Variants in ZMAT4 observed in about 807,000 individuals in gnomAD.
The protein encoded by ZMAT4 is zinc finger matrin-type protein 4.
In ZMAT4, 17 loss-of-function variants were observed where a neutral mutation model predicts 28.7. The ratio of observed to expected loss-of-function variants is 0.59; its 90% CI spans 0.41 to 0.89. ZMAT4 has a LOEUF of 0.89. Ranked by LOEUF, ZMAT4 falls within the 40% of genes least tolerant of loss-of-function variation. ZMAT4 has a pLI of 0.00. For missense variants in ZMAT4, 240 were observed against 283.8 expected (o/e 0.85, Z 1.11); for synonymous variants, 117 against 109.2 (o/e 1.07, Z -0.44).
chr8:40,589,971 C>CCCTCCCTTCCCT lies in ZMAT4; in HGVS notation c.578-8711_578-8710insAGGGAAGGGAGG, dbSNP rs1341460065. Among the ~76,000 whole-genome samples the CCCTCCCTTCCCT allele has an allele frequency of 6.9e-5, 2 of 28,798 alleles. 1 individual carries two copies. The allele number at this position is 28,798 out of a possible 152,430, so 18.9% of individuals were successfully genotyped here. A position where few individuals can be genotyped will look rare whatever the true frequency, so the allele number is the denominator to read the frequency against. ...TTCCTTCTTCCCTCCTTCCCTCCCT[C>CCCTCCCTTCCCT]CCTTCCTTCCTTCCTTCCTTCCTTC... On this transcript the variant is annotated intron_variant, in intron 5 of 6. Transcript: ENST00000297737.
intron 1 of ZMAT4, among the ~76,000 whole-genome samples, chr8:40,845,811 A>G (rs1003370371): frequency 2.3e-4 from 12 of 52,544 alleles, no homozygotes; most frequent in Non-Finnish European, 6.3e-4. Flanking sequence ...AGAGAGACTA[A>G]GGGTGGAGGG....
chr8:40,787,762 C>A (rs890522665), intron 2 of ZMAT4, among the ~76,000 whole-genome samples: 1 of 152,106 alleles, frequency 6.6e-6, no homozygotes, highest in Non-Finnish European at 1.5e-5. Context: ...AGACACTGGG[C>A]AAAGGGAGGA....
chr8:40,650,717 G>T (rs1261972631), intron 5 of ZMAT4, among the ~76,000 whole-genome samples: 6 of 131,520 alleles, frequency 4.6e-5, no homozygotes, highest in East Asian at 2.5e-4. Context: ...ACATCAAAAA[G>T]CTTATCCACC....
At chr8:40,862,763 T>G (rs1249251925) in intron 1 of ZMAT4, among the ~76,000 whole-genome samples, 4 of 147,012 alleles carry the variant, frequency 2.7e-5, no homozygotes, top group South Asian at 2.2e-4. Flanking sequence ...TAGGTGGGAA[T>G]TGAACAATGA....
At chr8:40,703,298 T>C (rs1429561009) in intron 3 of ZMAT4, among the ~76,000 whole-genome samples, 1 of 152,160 alleles carries the variant, frequency 6.6e-6, no homozygotes, top group African/African-American at 2.4e-5. Context: ...ACATCATTCA[T>C]AATAGCCCAA....
intron 5 of ZMAT4, among the ~76,000 whole-genome samples, chr8:40,672,319 G>T (rs753715452): frequency 6.6e-6 from 1 of 152,112 alleles, no homozygotes. Context: ...AGGGGTGTGT[G>T]TGTGGCCTGT....
intron 5 of ZMAT4, among the ~76,000 whole-genome samples, chr8:40,674,168 C>T (rs1159832321): frequency 6.9e-6 from 1 of 145,642 alleles, no homozygotes; most frequent in Non-Finnish European, 1.5e-5. Flanking sequence ...AATCTCGGCT[C>T]ACTGCAATTT....
At chr8:40,781,694 G>A (rs1247444223) in intron 2 of ZMAT4, among the ~76,000 whole-genome samples, 2 of 141,540 alleles carry the variant, frequency 1.4e-5, no homozygotes, top group African/African-American at 2.6e-5. Context: ...CCCGGGAGGC[G>A]GAGCTTGCAG....
chr8:40,727,301 A>C (rs547401713), intron 3 of ZMAT4, among the ~76,000 whole-genome samples: 230 of 152,212 alleles, frequency 1.5e-3, no homozygotes, highest in African/African-American at 5.4e-3. Context: ...GAACAATCAT[A>C]TTCCCTCGTG....
At position 40,531,943 on chromosome 8, in the gene ZMAT4, G is replaced by T. The variant is rs114751099; in HGVS notation, c.*280C>A. The T allele has an allele frequency of 5.9e-3, 1,873 of 315,216 alleles. 39 individuals are homozygous for T. Among genetic ancestry groups the T allele is most frequent in the African/African-American group, 0.036 (1,700 of 46,856 alleles). 19.5% of individuals were successfully genotyped at this position (315,216 alleles called of 1,614,324 possible). On this transcript the variant is annotated 3_prime_UTR_variant, in exon 7 of 7. Transcript: ENST00000297737. ...AGTTTGAATAATGCTCCAACTGTTT[G>T]CTATAGGATTATAATTTAGAACATG... is the stretch of plus-strand genomic sequence containing the variant.
intron 2 of ZMAT4, among the ~76,000 whole-genome samples, chr8:40,806,251 T>G (rs1330908010): frequency 6.6e-6 from 1 of 152,230 alleles, no homozygotes; most frequent in Non-Finnish European, 1.5e-5. Flanking sequence ...ACTTGGAGTT[T>G]CAAACGTCTA....
At chr8:40,858,360 TCCCTGAAGTCCCCTTAGTACAAGG>T (rs1048098710) in intron 1 of ZMAT4, among the ~76,000 whole-genome samples, 17 of 152,130 alleles carry the variant, frequency 1.1e-4, no homozygotes, top group Admixed American at 2.6e-4. Flanking sequence ...GACCACAAGC[TCCCTGAAGTCCCCTTAGTACAAGG>T]CCATGTGCAA....
At chr8:40,790,319 G>T (rs1472364343) in intron 2 of ZMAT4, among the ~76,000 whole-genome samples, 2 of 152,114 alleles carry the variant, frequency 1.3e-5, no homozygotes, top group African/African-American at 2.4e-5. Flanking sequence ...GGTTTTAAAA[G>T]CTTCTAGATC....
Position 40,889,962 on chromosome 8 carries a change from T to C in ZMAT4, c.-5+7721A>G, listed in dbSNP as rs114652304. Among the ~76,000 whole-genome samples the C allele has an allele frequency of 3.1e-3, 472 of 152,352 alleles. 2 individuals carry two copies. The highest frequency in any genetic ancestry group is 0.011 in the African/African-American group (455 of 41,578). ...TCATTTCACATATCCACCAGCTAAG[T>C]CTAAAAATGTCCATTTCCCAGCAAC... On this transcript the variant is annotated intron_variant, in intron 1 of 6. Transcript: ENST00000297737.
chr8:40,564,464 A>G (rs1803849743), intron 6 of ZMAT4, among the ~76,000 whole-genome samples: 2 of 152,128 alleles, frequency 1.3e-5, no homozygotes, highest in South Asian at 4.1e-4. Context: ...CTCACAGATA[A>G]GATTTTAGTA....
chr8:40,697,410 G>A lies in ZMAT4; in HGVS notation c.193-9C>T. 1.9e-6 allele frequency: 3 copies of A among 1,554,920 alleles called. No individual in the cohort carries two copies. Among genetic ancestry groups the A allele is most frequent in the East Asian group, 2.3e-5 (1 of 42,954 alleles). On this transcript the variant is annotated splice_polypyrimidine_tract_variant and intron_variant, in intron 3 of 6. Transcript: ENST00000297737. ...ATGTCGGCATCACTTCCCTGCGCAG[G>A]GAGAAAGAAAGGCCACGTGTGAGAG...
At chr8:40,617,095 C>T (rs948061695) in intron 5 of ZMAT4, among the ~76,000 whole-genome samples, 17 of 152,144 alleles carry the variant, frequency 1.1e-4, no homozygotes, top group African/African-American at 3.4e-4. Context: ...AATGTGATAT[C>T]GTGACATGGT....
chr8:40,601,477 G>GAAAGAAAGAAAGAAAGAAA (rs1554525376), intron 5 of ZMAT4, among the ~76,000 whole-genome samples: 3 of 91,640 alleles, frequency 3.3e-5, no homozygotes, highest in Non-Finnish European at 7.2e-5. Flanking sequence ...AGGAAAGAAA[G>GAAAGAAAGAAAGAAAGAAA]AAAGAAAGAA....
chr8:40,846,589 G>A (rs527932920), intron 1 of ZMAT4, among the ~76,000 whole-genome samples: 2 of 152,270 alleles, frequency 1.3e-5, no homozygotes, highest in African/African-American at 2.4e-5. Context: ...AACGAGCCAC[G>A]GCAGCGTCGT....
Sources: gnomAD v4.1 joint callset for allele counts (sites outside exome capture counted in the v4.1 genomes callset) on GRCh38, gnomAD v4.1.1 for gene constraint, MANE v1.5 for transcripts, NCBI Gene and HGNC (gene_info 2026-07-23, HGNC 2026-07-21) for gene names.